The following NRG1 variants were observed in gnomAD, a reference collection of about 807,000 sequenced individuals.
NRG1 encodes pro-neuregulin-1, membrane-bound isoform.
NRG1 carries 18 observed loss-of-function variants against 63.8 expected under a neutral mutation model. That is an observed-to-expected ratio of 0.28 (90% CI 0.19 to 0.42). NRG1 has a LOEUF of 0.42. Among genes scored for constraint, NRG1 ranks in the 10% least tolerant of loss-of-function variants. The probability of loss-of-function intolerance (pLI) is 1.00; values close to 1 mark genes in which losing one functional copy is unlikely to be tolerated. For missense variants in NRG1, 762 were observed against 814.7 expected, an observed-to-expected ratio of 0.94 and a Z score of 0.79; for synonymous variants, 302 against 301.3, an observed-to-expected ratio of 1.00 and a Z score of -0.02.
intron 1 of NRG1, among the ~76,000 whole-genome samples, chr8:32,390,268 T>C (rs1018660660): frequency 2.6e-5 from 4 of 152,168 alleles, no homozygotes; most frequent in African/African-American, 4.8e-5. Context: ...AGATTTCTCA[T>C]AGGTGGCAGT....
intron 1 of NRG1, among the ~76,000 whole-genome samples, chr8:31,844,338 G>T (rs181868315): frequency 1.1e-4 from 16 of 152,254 alleles, no homozygotes; most frequent in African/African-American, 3.1e-4. Context: ...TGCATGTCAT[G>T]GGCAGCTCTC....
chr8:32,447,542 C>T (rs1276321474), intron 1 of NRG1, among the ~76,000 whole-genome samples: 1 of 152,038 alleles, frequency 6.6e-6, no homozygotes, highest in Non-Finnish European at 1.5e-5. Flanking sequence ...ATTATATTCT[C>T]TTAGTCAGCA....
At chr8:32,368,139 T>G (rs915794307) in intron 1 of NRG1, among the ~76,000 whole-genome samples, 6 of 152,232 alleles carry the variant, frequency 3.9e-5, no homozygotes, top group Non-Finnish European at 7.3e-5. Context: ...TCAGTATTAC[T>G]ATGAGCTATT....
intron 1 of NRG1, among the ~76,000 whole-genome samples, chr8:32,156,584 C>T (rs1027942535): frequency 9.9e-5 from 15 of 152,164 alleles, no homozygotes; most frequent in Admixed American, 3.3e-4. Context: ...ATAGAAGTGC[C>T]TGAGTTCAGG....
chr8:32,239,511 A>T (rs1459333956), intron 1 of NRG1, among the ~76,000 whole-genome samples: 1 of 143,916 alleles, frequency 6.9e-6, no homozygotes, highest in African/African-American at 2.8e-5. Context: ...ATTTTAAATG[A>T]ATTTTAAAAT....
At chr8:32,642,266 G>A (rs1297715914) in intron 5 of NRG1, among the ~76,000 whole-genome samples, 1 of 152,226 alleles carries the variant, frequency 6.6e-6, no homozygotes, top group African/African-American at 2.4e-5. Context: ...CAAAATGTAT[G>A]TATTGAATGG....
At chr8:32,703,518 G>A (rs1815520852) in intron 5 of NRG1, among the ~76,000 whole-genome samples, 1 of 148,868 alleles carries the variant, frequency 6.7e-6, no homozygotes, top group Non-Finnish European at 1.5e-5. Flanking sequence ...GGGTGACAGA[G>A]CGAGACCCTG....
chr8:32,712,859 C>T (rs1818167215), intron 5 of NRG1, among the ~76,000 whole-genome samples: 1 of 152,050 alleles, frequency 6.6e-6, no homozygotes, highest in African/African-American at 2.4e-5. Context: ...TTGTACTGAC[C>T]TCATACTATG....
At chr8:32,477,451 A>G (rs575307382) in intron 1 of NRG1, among the ~76,000 whole-genome samples, 1 of 152,324 alleles carries the variant, frequency 6.6e-6, no homozygotes, top group South Asian at 2.1e-4. Flanking sequence ...ACAGGCTTGA[A>G]ACTCATGTCT....
At chr8:32,548,585 C>G in exon 1 of NRG1, 2 of 1,335,406 alleles carry the variant, frequency 1.5e-6, no homozygotes, top group Non-Finnish European at 1.9e-6. Context: ...ACGGGAGACG[C>G]CCCCGCGCAG....
At chr8:31,857,154 C>T (rs1283905497) in intron 1 of NRG1, among the ~76,000 whole-genome samples, 1 of 152,230 alleles carries the variant, frequency 6.6e-6, no homozygotes, top group Non-Finnish European at 1.5e-5. Context: ...GTTCCAGCTT[C>T]CCCCCTGCTT....
chr8:31,832,167 A>T (rs1157052859), intron 1 of NRG1, among the ~76,000 whole-genome samples: 1 of 152,178 alleles, frequency 6.6e-6, no homozygotes, highest in Non-Finnish European at 1.5e-5. Context: ...TTAGGGACTA[A>T]AAAGAGCATT....
intron 1 of NRG1, among the ~76,000 whole-genome samples, chr8:31,685,161 A>C (rs1030470572): frequency 1.3e-5 from 2 of 152,152 alleles, no homozygotes; most frequent in African/African-American, 4.8e-5. Flanking sequence ...ATGGCCTATT[A>C]GTGTGCTTTT....
At chr8:32,481,484 A>C (rs1277323212) in intron 1 of NRG1, among the ~76,000 whole-genome samples, 1 of 152,252 alleles carries the variant, frequency 6.6e-6, no homozygotes, top group Non-Finnish European at 1.5e-5. Context: ...CAAAGCAAGA[A>C]AAGTTAGCCA....
At chr8:31,937,863 G>A (rs1003495431) in intron 1 of NRG1, among the ~76,000 whole-genome samples, 2 of 152,126 alleles carry the variant, frequency 1.3e-5, no homozygotes, top group Non-Finnish European at 1.5e-5. Context: ...GCCACAGCAA[G>A]CCCTGCCAAA....
chr8:31,787,153 C>A (rs1461996199), intron 1 of NRG1, among the ~76,000 whole-genome samples: 1 of 152,218 alleles, frequency 6.6e-6, no homozygotes, highest in Non-Finnish European at 1.5e-5. Context: ...ACATGTATTT[C>A]ATGAAGCCTT....
chr8:32,594,066 T>G (rs1842957819), intron 1 of NRG1, among the ~76,000 whole-genome samples: 1 of 152,156 alleles, frequency 6.6e-6, no homozygotes, highest in Non-Finnish European at 1.5e-5. Context: ...CAAATGATTT[T>G]TTTCTGAAAT....
intron 1 of NRG1, among the ~76,000 whole-genome samples, chr8:32,430,321 T>C (rs1449140639): frequency 6.6e-6 from 1 of 152,196 alleles, no homozygotes; most frequent in Non-Finnish European, 1.5e-5. Context: ...AATATTTCTC[T>C]GCTTCACTGT....
intron 1 of NRG1, among the ~76,000 whole-genome samples, chr8:32,147,119 A>G (rs977396593): frequency 5.3e-5 from 8 of 152,090 alleles, no homozygotes; most frequent in Non-Finnish European, 1.0e-4. Context: ...AGAGTAAATG[A>G]GTGTTGATAA....
Sources: allele counts gnomAD v4.1 joint callset (sites outside exome capture counted in the v4.1 genomes callset), GRCh38; gene constraint gnomAD v4.1.1; transcripts MANE v1.5; gene names NCBI Gene and HGNC (gene_info 2026-07-23, HGNC 2026-07-21).